Variants in CAMK2B observed in about 807,000 individuals in gnomAD.
CAMK2B encodes calcium/calmodulin-dependent protein kinase type II subunit beta.
CAMK2B carries 27 observed loss-of-function variants against 93.7 expected under a neutral mutation model. The observed-to-expected ratio is 0.29, with a 90% CI of 0.21 to 0.40. The LOEUF (loss-of-function observed/expected upper bound fraction) is 0.40, where lower values mean the gene tolerates loss of function less well. Among genes scored for constraint, CAMK2B ranks in the 10% least tolerant of loss-of-function variants. The pLI is 1.00. For missense variants in CAMK2B, 568 were observed against 895.8 expected (o/e 0.63, Z 4.67); for synonymous variants, 374 against 358.8 (o/e 1.04, Z -0.48).
chr7:44,325,251 G>T, intron 1 of CAMK2B, 106 bp downstream of exon 1: 1 of 555,198 alleles, frequency 1.8e-6, no homozygotes, highest in Non-Finnish European at 2.3e-6. Flanking sequence ...AGAGAAGCCG[G>T]CGGCGCGCGG....
At chr7:44,283,303 C>A (rs1156780441) in intron 2 of CAMK2B, among the ~76,000 whole-genome samples, 1 of 152,242 alleles carries the variant, frequency 6.6e-6, no homozygotes, top group Non-Finnish European at 1.5e-5. Context: ...AAGGACAGCA[C>A]AAGGACAGGG....
intron 5 of CAMK2B, 100 bp from the exon 6 acceptor site, chr7:44,247,292 C>G: frequency 1.0e-6 from 1 of 970,962 alleles, no homozygotes; most frequent in South Asian, 1.3e-5. Context: ...CTGGGGGGAC[C>G]AGGGGGACAA....
In CAMK2B at chr7:44,294,186, C is replaced by T. The variant is rs115271765; in HGVS notation, c.66-9961G>A. On this transcript the variant is annotated intron_variant, in intron 1 of 23. Coordinates refer to ENST00000395749, the MANE Select transcript of CAMK2B (RefSeq NM_001220.5). ...CTCTGCCTCTCTTCTTGGGTCCTCCCTGCCCTCGCCAAAGTCCCCAACCCC... is the reference window on the plus strand; with the variant it reads ...CTCTGCCTCTCTTCTTGGGTCCTCCTTGCCCTCGCCAAAGTCCCCAACCCC... 1.4e-3 allele frequency among the ~76,000 whole-genome samples: 208 copies of T among 152,326 alleles called. 1 individual carries two copies. Among genetic ancestry groups the T allele is most frequent in the African/African-American group, 4.9e-3 (203 of 41,576 alleles).
chr7:44,310,553 G>C (rs960612132), intron 1 of CAMK2B, among the ~76,000 whole-genome samples: 23 of 152,212 alleles, frequency 1.5e-4, no homozygotes, highest in African/African-American at 5.5e-4. Flanking sequence ...ATTCACAACA[G>C]CCAAGAGGCA....
chr7:44,304,143 T>C (rs1194238321), intron 1 of CAMK2B, among the ~76,000 whole-genome samples: 1 of 152,198 alleles, frequency 6.6e-6, no homozygotes, highest in Admixed American at 6.5e-5. Context: ...TCATTGTTGG[T>C]AGGAATGCAA....
intron 17 of CAMK2B, among the ~76,000 whole-genome samples, chr7:44,230,782 C>A (rs185691566): frequency 6.6e-6 from 1 of 152,178 alleles, no homozygotes; most frequent in Admixed American, 6.5e-5. Context: ...ATGCGGTGAC[C>A]GAGACTGCCC....
intron 5 of CAMK2B, among the ~76,000 whole-genome samples, chr7:44,250,846 GT>G (rs1158700891): frequency 2.6e-5 from 4 of 152,234 alleles, no homozygotes; most frequent in Non-Finnish European, 5.9e-5. Context: ...GCTTTTTAAG[GT>G]TTTTTTAAAA....
chr7:44,261,250 G>C (rs373952478), intron 3 of CAMK2B, among the ~76,000 whole-genome samples: 1 of 152,246 alleles, frequency 6.6e-6, no homozygotes, highest in Non-Finnish European at 1.5e-5. Context: ...AATAAGCCCA[G>C]TTGGGGGCCC....
Position 44,290,135 on chromosome 7 carries a change from G to A in CAMK2B, c.66-5910C>T, listed in dbSNP as rs190422381. The stretch of plus-strand genomic sequence containing the variant: ...GATTCCCAACAACAGTGACAGCCAA[G>A]GGCCATGGGACCCCTTCAATCCACA... On this transcript the variant is annotated intron_variant, in intron 1 of 23. Transcript: ENST00000395749. Among the ~76,000 whole-genome samples the A allele has an allele frequency of 9.8e-5, 15 of 152,362 alleles. No individual in the cohort carries two copies. In the East Asian group the frequency reaches 2.7e-3, roughly 27 times the overall value.
At chr7:44,292,596 T>A (rs1268319351) in intron 1 of CAMK2B, among the ~76,000 whole-genome samples, 1 of 152,226 alleles carries the variant, frequency 6.6e-6, no homozygotes, top group African/African-American at 2.4e-5. Context: ...TTCCTTCCTT[T>A]CTTTAACTGC....
chr7:44,321,963 C>T (rs751189693), intron 1 of CAMK2B, among the ~76,000 whole-genome samples: 5 of 152,248 alleles, frequency 3.3e-5, no homozygotes, highest in African/African-American at 7.2e-5. Flanking sequence ...GGACCCTCCT[C>T]GGCAGCCCCA....
chr7:44,263,430 C>T (rs12702072), intron 2 of CAMK2B, among the ~76,000 whole-genome samples: 1 of 151,970 alleles, frequency 6.6e-6, no homozygotes, highest in Admixed American at 6.5e-5. Context: ...TTTGTTCTTC[C>T]GAGGCAGGGG....
intron 2 of CAMK2B, 137 bp from the exon 3 acceptor site, chr7:44,263,201 C>T: frequency 1.4e-6 from 1 of 728,754 alleles, no homozygotes; most frequent in South Asian, 2.2e-5. Flanking sequence ...ACCAAGGGAA[C>T]ACCCTTCGTG....
chr7:44,238,785 C>T lies in CAMK2B; in HGVS notation c.1021+804G>A, dbSNP rs1372971954. Among the ~76,000 whole-genome samples the T allele has an allele frequency of 3.9e-5, 6 of 152,166 alleles. No homozygotes were observed. The East Asian group carries it at 9.7e-4, about 24-fold the overall frequency. ...TAGCCCTCTGTGTTCTGTGGCCAGG[C>T]GTTGTCAGCTTGGCCTGCCCTAAGC... On this transcript the variant is annotated intron_variant, in intron 13 of 23. Coordinates refer to ENST00000395749, the MANE Select transcript of CAMK2B (RefSeq NM_001220.5).
At chr7:44,258,420 C>G (rs1472400810) in intron 4 of CAMK2B, among the ~76,000 whole-genome samples, 1 of 152,272 alleles carries the variant, frequency 6.6e-6, no homozygotes, top group African/African-American at 2.4e-5. Flanking sequence ...CAAACACCCA[C>G]ACACATACAT....
chr7:44,296,958 G>A (rs1788480441), intron 1 of CAMK2B, among the ~76,000 whole-genome samples: 1 of 152,072 alleles, frequency 6.6e-6, no homozygotes, highest in South Asian at 2.1e-4. Flanking sequence ...TCAGAAACTT[G>A]GATCTACATA....
chr7:44,303,828 A>C (rs1790742556), intron 1 of CAMK2B, among the ~76,000 whole-genome samples: 1 of 152,222 alleles, frequency 6.6e-6, no homozygotes, highest in Non-Finnish European at 1.5e-5. Flanking sequence ...ACAGACTTGG[A>C]GAAAATATCT....
At chr7:44,265,306 G>A (rs914589301) in intron 2 of CAMK2B, among the ~76,000 whole-genome samples, 4 of 152,148 alleles carry the variant, frequency 2.6e-5, no homozygotes, top group African/African-American at 4.8e-5. Context: ...TCAGTAAATC[G>A]AATGCAGATA....
chr7:44,311,164 C>A lies in CAMK2B; in HGVS notation c.65+14193G>T, dbSNP rs779455367. Among the ~76,000 whole-genome samples, 5 of 152,084 alleles carry A rather than the reference C, an allele frequency of 3.3e-5. No homozygotes were observed. Among genetic ancestry groups the A allele is most frequent in the Non-Finnish European group, 4.4e-5 (3 of 68,026 alleles). The stretch of plus-strand genomic sequence containing the variant: ...TCTCGGCTCACTGCAACCTCTGCAA[C>A]CCCCTGGTTCAAGCGATTCTCCTGC... On this transcript the variant is annotated intron_variant, in intron 1 of 23. Coordinates refer to ENST00000395749, the MANE Select transcript of CAMK2B (RefSeq NM_001220.5). This position sits in a 1 kb window ranked among gnomAD's most constrained non-coding sequence, Gnocchi z 4.2.
Sources: allele counts gnomAD v4.1 joint callset (sites outside exome capture counted in the v4.1 genomes callset), GRCh38; gene constraint gnomAD v4.1.1; non-coding constraint Gnocchi (gnomAD v3.1); transcripts MANE v1.5; gene names NCBI Gene and HGNC (gene_info 2026-07-23, HGNC 2026-07-21).